CDH7: variants seen among roughly 807,000 people sequenced by gnomAD.
CDH7 encodes the protein cadherin-7.
CDH7 carries 25 observed loss-of-function variants against 71.8 expected under a neutral mutation model. That is an observed-to-expected ratio of 0.35 (90% CI 0.25 to 0.49). The LOEUF is 0.49. CDH7 is among the 20% of genes least tolerant of loss of function. CDH7 has a pLI of 0.99. For synonymous variants in CDH7, 381 were observed against 363.8 expected, an observed-to-expected ratio of 1.05 and a Z score of -0.54; for missense variants, 862 against 974.6, an observed-to-expected ratio of 0.88 and a Z score of 1.54.
intron 4 of CDH7, among the ~76,000 whole-genome samples, chr18:65,820,328 A>C (rs2143932455): frequency 6.6e-6 from 1 of 151,898 alleles, no homozygotes; most frequent in Non-Finnish European, 1.5e-5. Flanking sequence ...ATTATTAAGC[A>C]TGAAAGTCTC....
chr18:65,786,067 C>A (rs1381070725), intron 2 of CDH7, among the ~76,000 whole-genome samples: 1 of 152,164 alleles, frequency 6.6e-6, no homozygotes, highest in African/African-American at 2.4e-5. Context: ...AGTGATTGAT[C>A]TGAGCTAGAG....
Position 65,882,233 on chromosome 18 carries a change from G to T in CDH7, c.*1339G>T, listed in dbSNP as rs1599072944. On this transcript the variant is annotated 3_prime_UTR_variant, in exon 12 of 12. Coordinates refer to ENST00000397968, the MANE Select transcript of CDH7 (RefSeq NM_004361.5). ...ATGTGCCAAAGGAAGGAAGGCAATT[G>T]CAAGTCATCATGTGTTTAAGTTTGA... The T allele has an allele frequency of 6.6e-6, 1 of 152,140 alleles. No homozygotes were observed. The allele number at this position is 152,140 out of a possible 1,614,324, so 9.4% of individuals were successfully genotyped here.
chr18:65,857,794 C>CT, intron 7 of CDH7, 22 bp from the exon 8 acceptor site: 1 of 1,606,242 alleles, frequency 6.2e-7, no homozygotes, highest in Non-Finnish European at 8.5e-7. Context: ...GAAGGCTTTT[C>CT]TTTTCTTCAA....
chr18:65,781,906 T>TCTCTCTCTC (rs1568181869), intron 2 of CDH7, among the ~76,000 whole-genome samples: 7 of 46,800 alleles, frequency 1.5e-4, no homozygotes, highest in South Asian at 8.3e-4. Context: ...CTCTCTATCT[T>TCTCTCTCTC]TCTCTCTTTC....
At chr18:65,766,121 T>C (rs1322750803) in intron 2 of CDH7, among the ~76,000 whole-genome samples, 1 of 152,146 alleles carries the variant, frequency 6.6e-6, no homozygotes, top group African/African-American at 2.4e-5. Flanking sequence ...ATTATAGGAA[T>C]GTCTATTTTG....
chr18:65,844,275 G>T (rs184087150), intron 7 of CDH7, among the ~76,000 whole-genome samples: 275 of 147,068 alleles, frequency 1.9e-3, no homozygotes, highest in African/African-American at 5.8e-3. Context: ...GGCCATTATC[G>T]TTGAGCCATA....
At chr18:65,874,214 TAAG>T (rs1568232628) in intron 11 of CDH7, among the ~76,000 whole-genome samples, 1 of 152,208 alleles carries the variant, frequency 6.6e-6, no homozygotes, top group African/African-American at 2.4e-5. Flanking sequence ...GGATTAAACT[TAAG>T]AAAGTGATAT....
chr18:65,826,682 A>G (rs1412965430), intron 6 of CDH7, among the ~76,000 whole-genome samples: 1 of 151,556 alleles, frequency 6.6e-6, no homozygotes, highest in East Asian at 1.9e-4. Flanking sequence ...TGTAACATTC[A>G]GTAGTTATTG....
chr18:65,840,501 G>A lies in CDH7; in HGVS notation c.982-3311G>A, dbSNP rs9950543. Among the ~76,000 whole-genome samples the A allele has an allele frequency of 2.2e-3, 330 of 152,062 alleles. 1 individual carries two copies. The highest frequency in any genetic ancestry group is 7.7e-3 in the African/African-American group (321 of 41,488). On this transcript the variant is annotated intron_variant, in intron 6 of 11. Transcript: ENST00000397968. ...CCCCACCCAAATCTCATCTTGAATTGTAGCTCCCATGATTTCCATGTGTTG... is the reference window on the plus strand; with the variant it reads ...CCCCACCCAAATCTCATCTTGAATTATAGCTCCCATGATTTCCATGTGTTG...
chr18:65,817,792 A>C (rs1403450988), intron 4 of CDH7, among the ~76,000 whole-genome samples: 1 of 152,194 alleles, frequency 6.6e-6, no homozygotes, highest in East Asian at 1.9e-4. Flanking sequence ...ATTGCCTATT[A>C]TATGAAATTC....
At chr18:65,761,455 T>C (rs1916189673) in intron 1 of CDH7, among the ~76,000 whole-genome samples, 1 of 151,542 alleles carries the variant, frequency 6.6e-6, no homozygotes, top group African/African-American at 2.4e-5. Flanking sequence ...GAAAAGCTTA[T>C]GAGGATAGTG....
chr18:65,872,140 A>C (rs1171500440), intron 11 of CDH7, among the ~76,000 whole-genome samples: 2 of 152,192 alleles, frequency 1.3e-5, no homozygotes, highest in Non-Finnish European at 2.9e-5. Context: ...TTTACTATTG[A>C]GTAAGTTCAA....
intron 6 of CDH7, among the ~76,000 whole-genome samples, chr18:65,830,723 C>CCT: frequency 9.9e-6 from 1 of 100,926 alleles, no homozygotes; most frequent in Middle Eastern, 5.7e-3. Flanking sequence ...CTTTCTCTCT[C>CCT]TCTCTTTCTT....
rs774429416 is a variant in CDH7, at chr18:65,857,953, G to GT, written c.1372+2dup. Reference sequence around the variant, plus strand: ...ATCACAGTCCTTGCAATGGAGAGCCGTAAGTTGTGAGGCTTAAAACTAAAT... The same window carrying GT: ...ATCACAGTCCTTGCAATGGAGAGCCGTTAAGTTGTGAGGCTTAAAACTAAAT... On this transcript the variant is annotated splice_donor_variant, in intron 8 of 11. Transcript: ENST00000397968. LOFTEE classifies it high-confidence loss of function. 1 of 1,612,450 alleles carries GT rather than the reference G, an allele frequency of 6.2e-7. No individual in the cohort carries two copies. The highest frequency in any genetic ancestry group is 1.7e-5 in the Admixed American group (1 of 59,846).
intron 3 of CDH7, among the ~76,000 whole-genome samples, chr18:65,813,236 G>A (rs9965915): frequency 0.22 from 34,171 of 152,180 alleles, 4,111 homozygotes; most frequent in Non-Finnish European, 0.27. Flanking sequence ...GGAGGCTGAG[G>A]CAGGAGAATC....
intron 4 of CDH7, among the ~76,000 whole-genome samples, chr18:65,820,514 A>G (rs1911885762): frequency 6.6e-6 from 1 of 152,170 alleles, no homozygotes; most frequent in Non-Finnish European, 1.5e-5. Flanking sequence ...TTTTTACTTA[A>G]AAGTGAGCAA....
Position 65,762,804 on chromosome 18 carries a change from GT to G in CDH7, c.-32del, listed in dbSNP as rs1916231879. The G allele has an allele frequency of 4.4e-6, 7 of 1,573,198 alleles. No homozygotes were observed. The highest frequency in any genetic ancestry group is 6.1e-6 in the Non-Finnish European group (7 of 1,156,130). On this transcript the variant is annotated 5_prime_UTR_variant, in exon 2 of 12. Coordinates refer to ENST00000397968, the MANE Select transcript of CDH7 (RefSeq NM_004361.5). ...GAACTGTGCCTTTTCTCTTGTCAAG[GT>G]TTTTTTCTTACACAGGAAAAAGAAA... is the stretch of plus-strand genomic sequence containing the variant.
At chr18:65,838,496 T>TAC (rs1298176193) in intron 6 of CDH7, among the ~76,000 whole-genome samples, 8 of 152,182 alleles carry the variant, frequency 5.3e-5, no homozygotes, top group African/African-American at 1.9e-4. Flanking sequence ...CATGCACATA[T>TAC]ACACATACAC....
At chr18:65,862,573 A>AG (rs1260529205) in intron 10 of CDH7, 93 bp from the exon 11 acceptor site, 13 of 1,240,686 alleles carry the variant, frequency 1.0e-5, no homozygotes, top group Non-Finnish European at 1.4e-5. Context: ...TCCCTAATTA[A>AG]GGCATCAAAG....
Sources: gnomAD v4.1 joint callset for allele counts (sites outside exome capture counted in the v4.1 genomes callset) on GRCh38, gnomAD v4.1.1 for gene constraint, MANE v1.5 for transcripts, NCBI Gene and HGNC (gene_info 2026-07-23, HGNC 2026-07-21) for gene names.